TPP2: variants seen among roughly 807,000 people sequenced by gnomAD.
TPP2 encodes tripeptidyl-peptidase 2.
A neutral mutation model predicts 155.9 loss-of-function variants in TPP2; 34 were observed. The observed-to-expected ratio is 0.22, with a 90% CI of 0.17 to 0.29. The LOEUF (loss-of-function observed/expected upper bound fraction) is 0.29, where lower values mean the gene tolerates loss of function less well. TPP2 is among the 10% of genes least tolerant of loss of function. The probability of loss-of-function intolerance (pLI) is 1.00; values close to 1 mark genes in which losing one functional copy is unlikely to be tolerated. For synonymous variants in TPP2, 510 were observed against 529.4 expected, an observed-to-expected ratio of 0.96 and a Z score of 0.50; for missense variants, 1,028 against 1,522.3, an observed-to-expected ratio of 0.68 and a Z score of 5.40.
At position 102,637,124 on chromosome 13, in the gene TPP2, C is replaced by G. The variant is rs1381746270; in HGVS notation, c.1721C>G (p.Thr574Ser). 2 of 1,611,868 alleles carry G rather than the reference C, an allele frequency of 1.2e-6. No homozygotes were observed. The highest frequency in any genetic ancestry group is 1.7e-6 in the Non-Finnish European group (2 of 1,179,562). ...TCCCTTCAGCTTCATTTAGCTCTGA[C>G]TTCAAATTCATCTTGGGTTCAGTGT... is the stretch of plus-strand genomic sequence containing the variant. Reference protein sequence around the residue: ...KISLQLHLALTSNSSWVQCPS... With the variant: ...KISLQLHLALSSNSSWVQCPS... Residue 574 changes from threonine (T) to serine (S), a missense_variant, in exon 14 of 30, where the codon ACT becomes AGT. Physicochemically the swap from Thr to Ser is moderately conservative, Grantham distance 58 (BLOSUM62 1). Around this residue, in one of 7 missense-constraint regions of TPP2, gnomAD observed 325 missense variants for 463.7 expected, o/e 0.70. Coordinates refer to ENST00000376052, the MANE Select transcript of TPP2 (RefSeq NM_001330588.2).
At chr13:102,661,751 A>C (rs2139584750) in intron 25 of TPP2, among the ~76,000 whole-genome samples, 1 of 152,312 alleles carries the variant, frequency 6.6e-6, no homozygotes, top group Non-Finnish European at 1.5e-5. Flanking sequence ...TACTAGGATG[A>C]CTGGAATCAT....
chr13:102,673,410 T>C (rs1236571784), intron 27 of TPP2, among the ~76,000 whole-genome samples: 6 of 152,220 alleles, frequency 3.9e-5, no homozygotes, highest in African/African-American at 1.2e-4. Flanking sequence ...TCCTCATTGT[T>C]TTCACGTGTA....
At chr13:102,618,930 A>G in intron 5 of TPP2, 84 bp downstream of exon 5, 1 of 1,455,050 alleles carries the variant, frequency 6.9e-7, no homozygotes. Context: ...AGAGCTGCAC[A>G]GAATTTTGGT....
chr13:102,623,935 G>A lies in TPP2; in HGVS notation c.784+895G>A, dbSNP rs1007138348. Among the ~76,000 whole-genome samples the A allele has an allele frequency of 3.9e-5, 6 of 152,212 alleles. No homozygotes were observed. In the South Asian group the frequency reaches 1.0e-3, roughly 26 times the overall value. ...ACTTCTAATACCTTATAGTATGTAA[G>A]TGCTATATAAATAGTTGTTATACTG... On this transcript the variant is annotated intron_variant, in intron 6 of 29. Coordinates refer to ENST00000376052, the MANE Select transcript of TPP2 (RefSeq NM_001330588.2).
intron 2 of TPP2, among the ~76,000 whole-genome samples, chr13:102,613,341 G>A (rs1434952105): frequency 1.3e-5 from 2 of 152,202 alleles, no homozygotes; most frequent in Non-Finnish European, 2.9e-5. Context: ...AGTGAGGATT[G>A]ATGAGGCTAC....
At position 102,604,826 on chromosome 13, in the gene TPP2, A is replaced by G. The variant is rs776783529; in HGVS notation, c.199A>G (p.Ile67Val). 10 of 1,612,994 alleles carry G rather than the reference A, an allele frequency of 6.2e-6. No homozygotes were observed. The highest frequency in any genetic ancestry group is 8.5e-6 in the Non-Finnish European group (10 of 1,179,772). ...TTDGKPKIVD[I>V]IDTTGSGDVN... ...TGATGGAAAACCAAAAATCGTTGATATCATTGATACAACAGGAAGTGGCGA... is the reference window on the plus strand; with the variant it reads ...TGATGGAAAACCAAAAATCGTTGATGTCATTGATACAACAGGAAGTGGCGA... The change falls in exon 2 of 30, where the codon ATC (isoleucine) becomes GTC (valine). Residue 67 changes from isoleucine to valine, a missense_variant. Ile to Val is a conservative substitution (Grantham distance 29). Transcript: ENST00000376052.
chr13:102,599,843 T>G (rs761343611), intron 1 of TPP2, among the ~76,000 whole-genome samples: 3 of 152,150 alleles, frequency 2.0e-5, no homozygotes, highest in Non-Finnish European at 4.4e-5. Context: ...CATTGGCCAG[T>G]AAGAGCTGGA....
At chr13:102,602,859 G>T (rs1354296801) in intron 1 of TPP2, among the ~76,000 whole-genome samples, 2 of 152,032 alleles carry the variant, frequency 1.3e-5, no homozygotes, top group Non-Finnish European at 2.9e-5. Context: ...AGTTTCTACG[G>T]TTTTTATGTT....
intron 16 of TPP2, among the ~76,000 whole-genome samples, chr13:102,641,789 G>A (rs983895800): frequency 2.0e-4 from 31 of 152,192 alleles, no homozygotes; most frequent in Non-Finnish European, 1.3e-4. Flanking sequence ...TTATAATGGA[G>A]CTATTGCAGC....
At chr13:102,606,833 C>G (rs1265077402) in intron 2 of TPP2, among the ~76,000 whole-genome samples, 1 of 152,192 alleles carries the variant, frequency 6.6e-6, no homozygotes, top group East Asian at 1.9e-4. Context: ...GTTCTACTTC[C>G]TTTTCTGTGT....
chr13:102,610,530 G>A (rs914975598), intron 2 of TPP2, among the ~76,000 whole-genome samples: 5 of 152,204 alleles, frequency 3.3e-5, no homozygotes, highest in East Asian at 1.9e-4. Context: ...GCGCCCAGCT[G>A]TCATGCTTTG....
intron 27 of TPP2, among the ~76,000 whole-genome samples, chr13:102,672,514 G>A (rs1440157023): frequency 6.6e-6 from 1 of 152,172 alleles, no homozygotes; most frequent in African/African-American, 2.4e-5. Context: ...GGCCTTCCAA[G>A]AAGGTTTGCA....
Position 102,651,269 on chromosome 13 carries a change from C to T in TPP2, c.2953-90C>T. ...TCTAAGTGGTGTAACACAGGTGGAA[C>T]ATAAACTGAAAGACAATTAGACAGA... On this transcript the variant is annotated intron_variant, in intron 23 of 29. Coordinates refer to ENST00000376052, the MANE Select transcript of TPP2 (RefSeq NM_001330588.2). 7 of 1,444,996 alleles carry T rather than the reference C, an allele frequency of 4.8e-6. No homozygotes were observed. The South Asian group carries it at 9.2e-5, about 19-fold the overall frequency. The allele number at this position is 1,444,996 out of a possible 1,614,324, so 89.5% of individuals were successfully genotyped here. A position where few individuals can be genotyped will look rare whatever the true frequency, so the allele number is the denominator to read the frequency against.
chr13:102,620,714 G>C (rs1322966209), intron 5 of TPP2, among the ~76,000 whole-genome samples: 1 of 152,212 alleles, frequency 6.6e-6, no homozygotes. Context: ...GGCCTCAGAT[G>C]ACTCTGTTCT....
intron 27 of TPP2, among the ~76,000 whole-genome samples, chr13:102,672,837 A>T (rs1885066144): frequency 6.6e-6 from 1 of 152,214 alleles, no homozygotes. Context: ...TCTTAATTCC[A>T]GTGTAAACAA....
intron 8 of TPP2, among the ~76,000 whole-genome samples, 180 bp downstream of exon 8, chr13:102,628,104 A>C (rs957186046): frequency 3.3e-5 from 5 of 151,718 alleles, no homozygotes; most frequent in Non-Finnish European, 5.9e-5. Flanking sequence ...TAGGCCGCAC[A>C]CCCCCGTTCC....
chr13:102,628,028 T>C, intron 8 of TPP2, 104 bp downstream of exon 8: 2 of 898,660 alleles, frequency 2.2e-6, no homozygotes, highest in Non-Finnish European at 3.5e-6. Context: ...GAAAGAACAG[T>C]TGCAGTGGTT....
intron 10 of TPP2, among the ~76,000 whole-genome samples, chr13:102,632,521 T>C (rs1882088637): frequency 6.6e-6 from 1 of 152,200 alleles, no homozygotes; most frequent in African/African-American, 2.4e-5. Flanking sequence ...ATTACAGGTG[T>C]GAGCCACTGA....
intron 5 of TPP2, among the ~76,000 whole-genome samples, chr13:102,620,873 A>C (rs189273077): frequency 6.6e-6 from 1 of 152,178 alleles, no homozygotes; most frequent in East Asian, 1.9e-4. Flanking sequence ...TGCTTATGTC[A>C]TGTTTCCTTT....
Sources: gnomAD v4.1 joint callset for allele counts (sites outside exome capture counted in the v4.1 genomes callset) on GRCh38, gnomAD v4.1.1 for gene constraint, gnomAD v4.1.1 regional missense constraint, MANE v1.5 for transcripts, NCBI Gene and HGNC (gene_info 2026-07-23, HGNC 2026-07-21) for gene names.